Variants in FCHSD2 observed in about 807,000 individuals in gnomAD.
FCHSD2 encodes FCH and double SH3 domains 2.
FCHSD2 carries 38 observed loss-of-function variants against 108.1 expected under a neutral mutation model. That is an observed-to-expected ratio of 0.35 (90% CI 0.27 to 0.46). FCHSD2 has a LOEUF of 0.46. Ranked by LOEUF, FCHSD2 falls within the 20% of genes least tolerant of loss-of-function variation. FCHSD2 has a pLI of 1.00. For synonymous variants in FCHSD2, 279 were observed against 314.7 expected (o/e 0.89, Z 1.20); for missense variants, 751 against 897.8 (o/e 0.84, Z 2.09).
chr11:72,957,718 AT>A (rs1241241039), intron 8 of FCHSD2, among the ~76,000 whole-genome samples: 1 of 152,058 alleles, frequency 6.6e-6, no homozygotes, highest in African/African-American at 2.4e-5. Context: ...CATGGCGGAT[AT>A]AAATTCTGGA....
rs145752852 is a variant in FCHSD2 at position 72,899,623 on chromosome 11, G to C, written c.924+2920C>G. Among the ~76,000 whole-genome samples, 365 of 149,612 alleles carry C rather than the reference G, an allele frequency of 2.4e-3. 2 individuals carry two copies. The highest frequency in any genetic ancestry group is 8.5e-3 in the African/African-American group (348 of 40,808). On this transcript the variant is annotated intron_variant, in intron 10 of 19. Transcript: ENST00000409418. ...AAAATAAAAATCAGCTGTAGTCCCA[G>C]TTACTCGGGAAGCTGAGGTGGAAGG...
At chr11:72,848,389 A>T (rs935493901) in intron 14 of FCHSD2, among the ~76,000 whole-genome samples, 1 of 152,062 alleles carries the variant, frequency 6.6e-6, no homozygotes. Context: ...TCCTCTCCCT[A>T]CCTTCTCACT....
intron 8 of FCHSD2, among the ~76,000 whole-genome samples, chr11:72,963,001 C>A (rs1429507955): frequency 2.0e-5 from 3 of 151,988 alleles, no homozygotes; most frequent in African/African-American, 7.3e-5. Flanking sequence ...TGTGAGCTGG[C>A]AAGTTACCTC....
At chr11:73,108,039 T>G (rs982778451) in intron 2 of FCHSD2, among the ~76,000 whole-genome samples, 1 of 152,254 alleles carries the variant, frequency 6.6e-6, no homozygotes, top group Admixed American at 6.5e-5. Flanking sequence ...ACCAACACTG[T>G]CTGAGGGTCC....
chr11:72,888,428 C>A (rs1017464393), intron 11 of FCHSD2, among the ~76,000 whole-genome samples: 2 of 151,886 alleles, frequency 1.3e-5, no homozygotes, highest in Non-Finnish European at 2.9e-5. Flanking sequence ...ATGTAATGGG[C>A]TAAAAAGTAA....
intron 3 of FCHSD2, among the ~76,000 whole-genome samples, chr11:73,020,324 CA>C (rs1305992343): frequency 6.6e-6 from 1 of 152,188 alleles, no homozygotes; most frequent in Non-Finnish European, 1.5e-5. Context: ...ATGGCTCTAG[CA>C]CAGGTAATTC....
intron 2 of FCHSD2, among the ~76,000 whole-genome samples, chr11:73,135,885 CA>C (rs527702414): frequency 1.2e-4 from 18 of 152,286 alleles, no homozygotes; most frequent in Admixed American, 1.2e-3. Context: ...GGGTGCGTTG[CA>C]GCAGTAGTGG....
At chr11:72,900,453 G>T (rs924536190) in intron 10 of FCHSD2, 3 of 639,826 alleles carry the variant, frequency 4.7e-6, no homozygotes, top group Admixed American at 2.7e-5. Context: ...TAGGGCTGCA[G>T]TTGGGCTGGG....
chr11:72,867,166 G>C (rs187938207), intron 13 of FCHSD2, among the ~76,000 whole-genome samples: 2 of 152,174 alleles, frequency 1.3e-5, no homozygotes, highest in South Asian at 4.1e-4. Flanking sequence ...TAATGGGTGG[G>C]GAGGTGACAG....
Position 73,141,952 on chromosome 11 carries a change from A to G in FCHSD2, c.-75T>C. The G allele has an allele frequency of 1.4e-6, 2 of 1,433,784 alleles. No individual in the cohort carries two copies. Among genetic ancestry groups the G allele is most frequent in the Middle Eastern group, 1.7e-4 (1 of 5,744 alleles). 88.8% of individuals were successfully genotyped at this position (1,433,784 alleles called of 1,614,324 possible). A position where few individuals can be genotyped will look rare whatever the true frequency, so the allele number is the denominator to read the frequency against. On this transcript the variant is annotated 5_prime_UTR_variant, in exon 1 of 20. Transcript: ENST00000409418. ...AGGAGGAGGAGGAGGGCCGGAGAGG[A>G]GGGGACGGCCCAGCGAGCGCGCGCG...
intron 8 of FCHSD2, among the ~76,000 whole-genome samples, chr11:72,927,655 AC>A (rs1856102548): frequency 6.6e-6 from 1 of 152,208 alleles, no homozygotes; most frequent in Non-Finnish European, 1.5e-5. Flanking sequence ...GCATTTTCTA[AC>A]AACTTGCCAC....
chr11:72,970,722 G>T (rs984131235), intron 8 of FCHSD2, among the ~76,000 whole-genome samples: 4 of 152,116 alleles, frequency 2.6e-5, no homozygotes, highest in African/African-American at 9.7e-5. Context: ...GGTGAGATGC[G>T]AATTCTTCTA....
At chr11:72,893,030 ACT>A (rs1439864464) in intron 10 of FCHSD2, among the ~76,000 whole-genome samples, 3 of 151,174 alleles carry the variant, frequency 2.0e-5, no homozygotes, top group African/African-American at 7.3e-5. Flanking sequence ...ACAGAGTTTC[ACT>A]CTGTCACCCA....
chr11:72,911,137 T>C (rs1438414208), intron 9 of FCHSD2, among the ~76,000 whole-genome samples: 1 of 152,222 alleles, frequency 6.6e-6, no homozygotes, highest in Admixed American at 6.5e-5. Flanking sequence ...TAGATTTAAG[T>C]CTTTAATCCA....
intron 8 of FCHSD2, among the ~76,000 whole-genome samples, chr11:72,964,985 T>C (rs1467012363): frequency 6.6e-6 from 1 of 152,010 alleles, no homozygotes; most frequent in Non-Finnish European, 1.5e-5. Flanking sequence ...GAGACGGGGT[T>C]TCACTGTGTT....
chr11:72,940,811 G>A, intron 8 of FCHSD2: 1 of 863,460 alleles, frequency 1.2e-6, no homozygotes, highest in Non-Finnish European at 2.0e-6. Flanking sequence ...GCAGAGGAGT[G>A]AGCTGGATGC....
At chr11:73,064,447 T>C (rs1859241451) in intron 3 of FCHSD2, among the ~76,000 whole-genome samples, 1 of 150,934 alleles carries the variant, frequency 6.6e-6, no homozygotes, top group Non-Finnish European at 1.5e-5. Flanking sequence ...AGAGCAGAAC[T>C]GAAGGAGATA....
chr11:73,068,952 C>T lies in FCHSD2; in HGVS notation c.165+14743G>A, dbSNP rs150763977. Among the ~76,000 whole-genome samples the T allele has an allele frequency of 1.5e-4, 22 of 149,464 alleles. No homozygotes were observed. In the East Asian group the frequency reaches 2.8e-3, roughly 19 times the overall value. ...ATGGCTTAAGTAAAGAAGGTCGAGG[C>T]TGCAGTGAGTCATGACTTCGCCACT... On this transcript the variant is annotated intron_variant, in intron 3 of 19. Coordinates refer to ENST00000409418, the MANE Select transcript of FCHSD2 (RefSeq NM_014824.3).
intron 9 of FCHSD2, among the ~76,000 whole-genome samples, chr11:72,917,884 T>A (rs1324584399): frequency 5.3e-5 from 8 of 150,614 alleles, no homozygotes; most frequent in Admixed American, 5.3e-4. Flanking sequence ...TGAGACCTTG[T>A]CTCAAATTAA....
Sources: gnomAD v4.1 joint callset for allele counts (sites outside exome capture counted in the v4.1 genomes callset) on GRCh38, gnomAD v4.1.1 for gene constraint, MANE v1.5 for transcripts, NCBI Gene and HGNC (gene_info 2026-07-23, HGNC 2026-07-21) for gene names.